ASTN1: variants seen among roughly 807,000 people sequenced by gnomAD.
ASTN1 encodes the protein astrotactin 1, also known as astrotactin-1.
In ASTN1, 41 loss-of-function variants were observed where a neutral mutation model predicts 140.7. The ratio of observed to expected loss-of-function variants is 0.29; its 90% confidence interval spans 0.23 to 0.38. The LOEUF is 0.38. Ranked by LOEUF, ASTN1 falls within the 10% of genes least tolerant of loss-of-function variation. ASTN1 has a pLI of 1.00. For synonymous variants in ASTN1, 640 were observed against 652.2 expected (o/e 0.98, Z 0.29); for missense variants, 1,479 against 1,678.8 (o/e 0.88, Z 2.08).
chr1:176,875,979 C>A (rs1668542450), intron 21 of ASTN1, among the ~76,000 whole-genome samples: 1 of 152,142 alleles, frequency 6.6e-6, no homozygotes, highest in African/African-American at 2.4e-5. Flanking sequence ...TCAAGTTTTT[C>A]TTAATTAACA....
At chr1:176,945,851 T>C (rs1671934516) in intron 13 of ASTN1, 75 bp downstream of exon 13, 1 of 1,425,314 alleles carries the variant, frequency 7.0e-7, no homozygotes, top group South Asian at 1.4e-5. Context: ...ATATAAAGCT[T>C]TATGCTAGTG....
intron 1 of ASTN1, among the ~76,000 whole-genome samples, chr1:177,093,220 T>G (rs1679852645): frequency 6.6e-6 from 1 of 152,182 alleles, no homozygotes; most frequent in Admixed American, 6.5e-5. Flanking sequence ...ATAATCTACT[T>G]AGTTGGACTA....
At chr1:177,047,522 T>C (rs749340098) in intron 2 of ASTN1, among the ~76,000 whole-genome samples, 3 of 152,140 alleles carry the variant, frequency 2.0e-5, no homozygotes, top group East Asian at 1.9e-4. Flanking sequence ...GGAGAGGACA[T>C]AGTTCAAGCT....
At chr1:176,960,768 C>T (rs1404817893) in intron 9 of ASTN1, among the ~76,000 whole-genome samples, 1 of 152,156 alleles carries the variant, frequency 6.6e-6, no homozygotes, top group Non-Finnish European at 1.5e-5. Context: ...CCGATTTTCT[C>T]ACCTCTTTGC....
At chr1:176,998,643 G>C (rs1214291343) in intron 8 of ASTN1, among the ~76,000 whole-genome samples, 3 of 152,156 alleles carry the variant, frequency 2.0e-5, no homozygotes, top group African/African-American at 7.2e-5. Context: ...CAATCCTCTA[G>C]AGGGAACTTC....
At chr1:177,068,329 C>A (rs1210360204) in intron 1 of ASTN1, among the ~76,000 whole-genome samples, 1 of 152,192 alleles carries the variant, frequency 6.6e-6, no homozygotes, top group African/African-American at 2.4e-5. Flanking sequence ...AAAAAGCTCT[C>A]ATCCAACAGA....
intron 8 of ASTN1, among the ~76,000 whole-genome samples, chr1:176,988,314 TG>T (rs34395291): frequency 2.3e-3 from 145 of 62,010 alleles, no homozygotes; most frequent in African/African-American, 8.7e-3. Context: ...GAGGATATAT[TG>T]GGAAAAAAAA....
intron 1 of ASTN1, among the ~76,000 whole-genome samples, chr1:177,069,806 C>G (rs556135224): frequency 2.2e-4 from 33 of 151,752 alleles, no homozygotes; most frequent in African/African-American, 7.7e-4. Context: ...CTTTTCAAAC[C>G]TCTGCAAAGA....
Position 176,957,565 on chromosome 1 carries a change from T to C in ASTN1, c.1887+113A>G, listed in dbSNP as rs1029840049. ...AATCCCTAATTTACACTAAATGGTG[T>C]TTACAACTGGGGATCACAGCACATT... is the stretch of plus-strand genomic sequence containing the variant. On this transcript the variant is annotated intron_variant, in intron 11 of 22. Transcript: ENST00000361833. The C allele has an allele frequency of 3.0e-6, 4 of 1,348,644 alleles. No homozygotes were observed. In the Admixed American group the frequency reaches 9.1e-5, roughly 31 times the overall value. 83.5% of individuals were successfully genotyped at this position (1,348,644 alleles called of 1,614,324 possible).
At chr1:177,029,491 A>G in intron 5 of ASTN1, 143 bp downstream of exon 5, 2 of 839,932 alleles carry the variant, frequency 2.4e-6, no homozygotes, top group South Asian at 2.8e-5. Context: ...AGGAGGAAAC[A>G]CCAGTTGTGG....
intron 16 of ASTN1, among the ~76,000 whole-genome samples, chr1:176,913,461 A>G (rs1299633484): frequency 6.6e-6 from 1 of 152,234 alleles, no homozygotes; most frequent in Non-Finnish European, 1.5e-5. Context: ...TAGGATTTAC[A>G]ATCTATGTGG....
intron 16 of ASTN1, among the ~76,000 whole-genome samples, chr1:176,903,606 C>T (rs1376694867): frequency 1.3e-5 from 2 of 152,162 alleles, no homozygotes; most frequent in African/African-American, 2.4e-5. Context: ...TTTAAGTGTA[C>T]TTGATTCCGT....
chr1:176,943,697 A>C (rs2103107222), intron 14 of ASTN1, among the ~76,000 whole-genome samples, 194 bp downstream of exon 14: 1 of 152,332 alleles, frequency 6.6e-6, no homozygotes, highest in South Asian at 2.1e-4. Flanking sequence ...TTTGAAGGAG[A>C]TTATATGATA....
chr1:177,058,331 C>T (rs915312440), intron 2 of ASTN1, among the ~76,000 whole-genome samples: 1 of 152,164 alleles, frequency 6.6e-6, no homozygotes, highest in Non-Finnish European at 1.5e-5. Context: ...AAATCTTTTG[C>T]ACCCTTACGT....
At chr1:176,905,285 G>A (rs901521221) in intron 16 of ASTN1, among the ~76,000 whole-genome samples, 11 of 152,206 alleles carry the variant, frequency 7.2e-5, no homozygotes, top group African/African-American at 9.6e-5. Context: ...CTATGCAGGC[G>A]GGTGTCTCTC....
At chr1:176,992,374 T>C (rs1674222987) in intron 8 of ASTN1, among the ~76,000 whole-genome samples, 1 of 151,564 alleles carries the variant, frequency 6.6e-6, no homozygotes, top group African/African-American at 2.4e-5. Context: ...GATGAGCGAA[T>C]ATTGAAGTGA....
Position 176,894,499 on chromosome 1 carries a change from C to T in ASTN1, c.2940+63G>A, listed in dbSNP as rs955143610. The T allele has an allele frequency of 3.8e-6, 6 of 1,570,064 alleles. No homozygotes were observed. The African/African-American group carries it at 8.1e-5, about 21-fold the overall frequency. The stretch of plus-strand genomic sequence containing the variant: ...AACCACACCCTGTCACTTCCTCACA[C>T]CATTTGGAAAGCCTTCTGTTGTGGT... On this transcript the variant is annotated intron_variant, in intron 17 of 22. Transcript: ENST00000361833.
At chr1:176,880,603 T>C (rs972247641) in intron 20 of ASTN1, among the ~76,000 whole-genome samples, 5 of 152,188 alleles carry the variant, frequency 3.3e-5, no homozygotes, top group Non-Finnish European at 7.4e-5. Context: ...TGGATCCTTC[T>C]CAGAATAATG....
rs1417990214 is a variant in ASTN1, at chr1:177,024,749, A to T, written c.1121-17T>A. The T allele has an allele frequency of 6.2e-7, 1 of 1,610,062 alleles. No homozygotes were observed. The highest frequency in any genetic ancestry group is 2.2e-5 in the East Asian group (1 of 44,788). On this transcript the variant is annotated splice_polypyrimidine_tract_variant and intron_variant, in intron 5 of 22. Transcript: ENST00000361833. ...GAGAACCCACTGAAAGTGAGACAAA[A>T]GCAAGATACATGGTGGTAAAAAGCT...
Sources: allele counts gnomAD v4.1 joint callset (sites outside exome capture counted in the v4.1 genomes callset), GRCh38; gene constraint gnomAD v4.1.1; transcripts MANE v1.5; gene names NCBI Gene and HGNC (gene_info 2026-07-23, HGNC 2026-07-21).